Variants in RASGRP3 observed in about 807,000 individuals in gnomAD.
RASGRP3 encodes the protein ras guanyl-releasing protein 3.
A neutral mutation model predicts 82.7 loss-of-function variants in RASGRP3; 54 were observed. The ratio of observed to expected loss-of-function variants is 0.65; its 90% CI spans 0.52 to 0.82. The LOEUF (loss-of-function observed/expected upper bound fraction) is 0.82, where lower values mean the gene tolerates loss of function less well. Among genes scored for constraint, RASGRP3 ranks in the 40% least tolerant of loss-of-function variants. The pLI, the probability that RASGRP3 is intolerant of heterozygous loss-of-function variation, is 0.00. For missense variants in RASGRP3, 861 were observed against 828.9 expected, an observed-to-expected ratio of 1.04 and a Z score of -0.48; for synonymous variants, 309 against 300.5, an observed-to-expected ratio of 1.03 and a Z score of -0.29.
chr2:33,543,567 T>C lies in RASGRP3; in HGVS notation c.1334T>C (p.Phe445Ser), dbSNP rs760277344. 1.2e-6 allele frequency: 2 copies of C among 1,612,336 alleles called. No individual in the cohort carries two copies. The highest frequency in any genetic ancestry group is 1.7e-6 in the Non-Finnish European group (2 of 1,178,606). Reference sequence around the variant, plus strand: ...GATGGGTACATTTCCCAAGAGGACTTTGAAAGTATAGCTGCCAATTTTCCC... The same window carrying C: ...GATGGGTACATTTCCCAAGAGGACTCTGAAAGTATAGCTGCCAATTTTCCC... ...DHDGYISQED[F>S]ESIAANFPFL... The change falls in exon 13 of 18, where the codon TTT becomes TCT. Residue 445 changes from phenylalanine to serine, a missense_variant. Physicochemically the swap from Phe to Ser is radical, Grantham distance 155. Coordinates refer to ENST00000403687, the MANE Select transcript of RASGRP3 (RefSeq NM_001139488.2).
At chr2:33,540,449 G>A (rs1261611972) in intron 12 of RASGRP3, among the ~76,000 whole-genome samples, 1 of 145,846 alleles carries the variant, frequency 6.9e-6, no homozygotes, top group Non-Finnish European at 1.5e-5. Flanking sequence ...TCTGAAGCCA[G>A]GAAATAGAAG....
At chr2:33,499,953 C>T (rs758049363) in intron 1 of RASGRP3, among the ~76,000 whole-genome samples, 2 of 152,060 alleles carry the variant, frequency 1.3e-5, no homozygotes, top group African/African-American at 2.4e-5. Context: ...CCGACAGAAC[C>T]ATTCAGTAAC....
chr2:33,473,932 CA>C (rs1372081896), upstream of RASGRP3, among the ~76,000 whole-genome samples: 2 of 152,162 alleles, frequency 1.3e-5, no homozygotes, highest in African/African-American at 4.8e-5. Context: ...CTCAGATCAT[CA>C]GGCATTAGAC....
intron 2 of RASGRP3, among the ~76,000 whole-genome samples, chr2:33,452,478 G>T (rs1396472829): frequency 6.6e-6 from 1 of 152,194 alleles, no homozygotes; most frequent in South Asian, 2.1e-4. Context: ...GAGTCAGCAG[G>T]CAGGAAGGCC....
At chr2:33,478,806 T>A (rs2150931063) in intron 1 of RASGRP3, among the ~76,000 whole-genome samples, 1 of 152,334 alleles carries the variant, frequency 6.6e-6, no homozygotes. Context: ...CCATCATAAT[T>A]TCAACGCTAA....
intron 2 of RASGRP3, among the ~76,000 whole-genome samples, chr2:33,450,818 C>CT (rs879744839): frequency 7.6e-4 from 33 of 43,398 alleles, no homozygotes; most frequent in South Asian, 1.6e-3. Context: ...CTCTTTCTTT[C>CT]TTTCTTTTTT....
At chr2:33,480,108 T>A (rs564308940) in intron 1 of RASGRP3, among the ~76,000 whole-genome samples, 65 of 147,272 alleles carry the variant, frequency 4.4e-4, no homozygotes, top group Middle Eastern at 7.1e-3. Flanking sequence ...AGTGGTGAGA[T>A]CTCGGCTCAC....
At chr2:33,536,786 T>C (rs976457059) in intron 11 of RASGRP3, among the ~76,000 whole-genome samples, 1 of 152,202 alleles carries the variant, frequency 6.6e-6, no homozygotes, top group African/African-American at 2.4e-5. Flanking sequence ...TCACTGAGAC[T>C]TGCGACAGAG....
chr2:33,543,642 T>C lies in RASGRP3; in HGVS notation c.1394+15T>C. ...GACAAAGATCAGTAAGTTTTAATTT[T>C]GTTTTATTTTAATGCAACTATCCTA... On this transcript the variant is annotated intron_variant, in intron 13 of 17. Transcript: ENST00000403687. The C allele has an allele frequency of 6.6e-7, 1 of 1,523,624 alleles. No individual in the cohort carries two copies. The highest frequency in any genetic ancestry group is 9.0e-7 in the Non-Finnish European group (1 of 1,108,786). The allele number at this position is 1,523,624 out of a possible 1,614,324, so 94.4% of individuals were successfully genotyped here.
At chr2:33,504,092 C>G (rs991387330) in intron 1 of RASGRP3, among the ~76,000 whole-genome samples, 1 of 152,264 alleles carries the variant, frequency 6.6e-6, no homozygotes, top group Non-Finnish European at 1.5e-5. Flanking sequence ...TCATTTTTCA[C>G]GTAGTGATAA....
chr2:33,482,674 T>C (rs534577937), intron 1 of RASGRP3: 1 of 152,352 alleles, frequency 6.6e-6, no homozygotes, highest in African/African-American at 2.4e-5. Context: ...CGCTTCACTA[T>C]CTGTCAGTTT....
intron 1 of RASGRP3, among the ~76,000 whole-genome samples, chr2:33,483,486 A>G (rs1374496001): frequency 7.9e-6 from 1 of 125,932 alleles, no homozygotes; most frequent in African/African-American, 2.9e-5. Flanking sequence ...TTTAGCCACT[A>G]TTTTTTTTTT....
At chr2:33,460,716 T>C (rs1212110548) in intron 2 of RASGRP3, among the ~76,000 whole-genome samples, 1 of 152,024 alleles carries the variant, frequency 6.6e-6, no homozygotes, top group Non-Finnish European at 1.5e-5. Context: ...AGTTTCACCT[T>C]GTTGCCTAGG....
At chr2:33,524,143 A>G (rs1006536746) in intron 8 of RASGRP3, 91 bp downstream of exon 8, 5 of 1,427,976 alleles carry the variant, frequency 3.5e-6, no homozygotes, top group African/African-American at 1.4e-5. Context: ...CGTTCACAGT[A>G]TAAGGGCATC....
intron 2 of RASGRP3, among the ~76,000 whole-genome samples, chr2:33,449,724 A>G (rs181513966): frequency 1.1e-3 from 160 of 151,998 alleles, no homozygotes; most frequent in Middle Eastern, 3.4e-3. Context: ...ACACCACTGC[A>G]CTCCAGCCTG....
intron 1 of RASGRP3, among the ~76,000 whole-genome samples, chr2:33,446,224 C>G (rs1361700598): frequency 6.6e-6 from 1 of 152,164 alleles, no homozygotes. Context: ...GTGGTGCAAT[C>G]TTTGGCTCAC....
chr2:33,470,092 T>A (rs970621245), intron 2 of RASGRP3, among the ~76,000 whole-genome samples: 2 of 152,158 alleles, frequency 1.3e-5, no homozygotes, highest in Non-Finnish European at 2.9e-5. Context: ...TCTTTACCAT[T>A]CTCAGTTTTT....
At chr2:33,539,713 A>G (rs1478870700) in intron 12 of RASGRP3, 1 of 152,452 alleles carries the variant, frequency 6.6e-6, no homozygotes, top group Non-Finnish European at 1.5e-5. Context: ...TGTAGAAAAA[A>G]GAGTAGGGCC....
Position 33,437,040 on chromosome 2 carries a change from A to C in RASGRP3, c.-385+449A>C, listed in dbSNP as rs1664962441. 2.6e-5 allele frequency among the ~76,000 whole-genome samples: 4 copies of C among 152,150 alleles called. No individual in the cohort carries two copies. In the South Asian group the frequency reaches 6.2e-4, roughly 24 times the overall value. On this transcript the variant is annotated intron_variant, in intron 1 of 18. Transcript: ENST00000402538. ...GACAATTGTATAAAAGTTATATATA[A>C]AATTTAAATTTTGTATAAAATTAAG...
Sources: gnomAD v4.1 joint callset for allele counts (sites outside exome capture counted in the v4.1 genomes callset) on GRCh38, gnomAD v4.1.1 for gene constraint, MANE v1.5 for transcripts, NCBI Gene and HGNC (gene_info 2026-07-23, HGNC 2026-07-21) for gene names.